KREMEN1: variants seen among roughly 807,000 people sequenced by gnomAD.
KREMEN1 encodes the protein kringle containing transmembrane protein 1.
In KREMEN1, 30 loss-of-function variants were observed where a neutral mutation model predicts 46.5. That is an observed-to-expected ratio of 0.65 (90% CI 0.48 to 0.88). The LOEUF (loss-of-function observed/expected upper bound fraction) is 0.88. KREMEN1 is among the 40% of genes least tolerant of loss of function. The pLI is 0.00. For missense variants in KREMEN1, 533 were observed against 596.9 expected, an observed-to-expected ratio of 0.89 and a Z score of 1.11; for synonymous variants, 214 against 230.6, an observed-to-expected ratio of 0.93 and a Z score of 0.65.
In KREMEN1 at chr22:29,138,720, G is replaced by A. The variant is rs563499749; in HGVS notation, c.1061G>A (p.Arg354Gln). 23 of 1,614,044 alleles carry A rather than the reference G, an allele frequency of 1.4e-5. No individual in the cohort carries two copies. Among genetic ancestry groups the A allele is most frequent in the Middle Eastern group, 1.6e-4 (1 of 6,084 alleles). Residue 354 changes from arginine to glutamine, a missense_variant, in exon 7 of 9, where the codon CGG becomes CAG. Arg to Gln is a conservative substitution (Grantham distance 43, BLOSUM62 1). Transcript: ENST00000400335. ...GCCAACCTCAGTGTCAGCGCTGCCC[G>A]GTCCTCCAAAGTCCTCTATGTCATC... is the stretch of plus-strand genomic sequence containing the variant. ...EQANLSVSAA[R>Q]SSKVLYVITT... is the part of the protein sequence containing the mutation.
At chr22:29,082,830 G>A (rs1013122524) in intron 1 of KREMEN1, among the ~76,000 whole-genome samples, 1 of 152,132 alleles carries the variant, frequency 6.6e-6, no homozygotes, top group Non-Finnish European at 1.5e-5. Context: ...CAAATAGTTC[G>A]CCTTTTGTTT....
chr22:29,137,690 C>T lies in KREMEN1; in HGVS notation c.964+16C>T, dbSNP rs757298140. The T allele has an allele frequency of 6.4e-6, 10 of 1,569,116 alleles. No homozygotes were observed. The East Asian group carries it at 6.8e-5, about 11-fold the overall frequency. The stretch of plus-strand genomic sequence containing the variant: ...TTATACCAAGGTAAGACATCTTTGC[C>T]TCCTTGGGGGTTCTTCAGGGCCCAC... On this transcript the variant is annotated intron_variant, in intron 6 of 8. Transcript: ENST00000400335.
rs1316317079 is a variant in KREMEN1 at position 29,073,257 on chromosome 22, C to G, written c.97+30C>G. 1 of 1,039,932 alleles carries G rather than the reference C, an allele frequency of 9.6e-7. No homozygotes were observed. Among genetic ancestry groups the G allele is most frequent in the East Asian group, 3.8e-5 (1 of 26,248 alleles). 64.4% of individuals were successfully genotyped at this position (1,039,932 alleles called of 1,614,324 possible). ...GTGTGAGCGACCCCCCGCCGCCCGC[C>G]CTGAGCGGAGCCCACTCGAGGGGCG... On this transcript the variant is annotated intron_variant, in intron 1 of 8. Coordinates refer to ENST00000400335, the MANE Select transcript of KREMEN1 (RefSeq NM_001039570.3). This position sits in a 1 kb window ranked among gnomAD's most constrained non-coding sequence, Gnocchi z 4.4.
downstream of KREMEN1, among the ~76,000 whole-genome samples, chr22:29,150,225 G>T (rs868838247): frequency 5.9e-5 from 9 of 152,328 alleles, no homozygotes; most frequent in East Asian, 5.8e-4. Flanking sequence ...AACTGGTGGG[G>T]GGGGGGGCAG....
chr22:29,107,762 T>C (rs773397290), intron 3 of KREMEN1, among the ~76,000 whole-genome samples: 36 of 152,192 alleles, frequency 2.4e-4, no homozygotes, highest in Non-Finnish European at 4.7e-4. Flanking sequence ...CATGTGCCTA[T>C]GGTCCCAGCT....
intron 3 of KREMEN1, among the ~76,000 whole-genome samples, chr22:29,115,728 G>A (rs542282139): frequency 6.6e-6 from 1 of 152,346 alleles, no homozygotes; most frequent in Non-Finnish European, 1.5e-5. Context: ...GGGGGATAGG[G>A]TGGGGAGGAT....
At position 29,142,236 on chromosome 22, in the gene KREMEN1, G is replaced by T; in HGVS notation, c.*124G>T. 9 of 1,383,766 alleles carry T rather than the reference G, an allele frequency of 6.5e-6. No homozygotes were observed. The highest frequency in any genetic ancestry group is 8.4e-6 in the Non-Finnish European group (9 of 1,072,344). The allele number at this position is 1,383,766 out of a possible 1,614,324, so 85.7% of individuals were successfully genotyped here. ...TCTCCCTCTGCCTCGGCCTCTTCGG[G>T]GAAACCCTCCTCCTACAGACTAGGA... On this transcript the variant is annotated 3_prime_UTR_variant, in exon 9 of 9. Coordinates refer to ENST00000400335, the MANE Select transcript of KREMEN1 (RefSeq NM_001039570.3).
At position 29,145,799 on chromosome 22, in the gene KREMEN1, A is replaced by G; in HGVS notation, c.*3687A>G. On this transcript the variant is annotated 3_prime_UTR_variant, in exon 9 of 9. Transcript: ENST00000400335. ...ACTTCTGAAGAGTGGGCTCTGGCTC[A>G]AGACTCCAATCGGCCAGAAGCCCAC... 1.0e-6 allele frequency: 1 copy of G among 985,532 alleles called. No individual in the cohort carries two copies. Among genetic ancestry groups the G allele is most frequent in the Non-Finnish European group, 1.2e-6 (1 of 829,984 alleles). The allele number at this position is 985,532 out of a possible 1,614,324, so 61.0% of individuals were successfully genotyped here.
At chr22:29,091,795 C>A (rs2037810627) in intron 1 of KREMEN1, among the ~76,000 whole-genome samples, 1 of 152,078 alleles carries the variant, frequency 6.6e-6, no homozygotes, top group African/African-American at 2.4e-5. Context: ...TGTTGTGAAG[C>A]AAACAAAGGG....
chr22:29,119,074 A>G (rs998344846), intron 3 of KREMEN1, among the ~76,000 whole-genome samples: 4 of 152,180 alleles, frequency 2.6e-5, no homozygotes, highest in African/African-American at 9.7e-5. Flanking sequence ...GTGGCTAAGC[A>G]TGGTGGCTCA....
intron 3 of KREMEN1, among the ~76,000 whole-genome samples, chr22:29,120,391 C>T (rs2038324849): frequency 1.2e-5 from 1 of 84,320 alleles, no homozygotes; most frequent in Non-Finnish European, 2.5e-5. Flanking sequence ...ATAATGGAAA[C>T]AGGGAGGAGG....
chr22:29,122,756 G>A (rs112012451), intron 4 of KREMEN1, among the ~76,000 whole-genome samples: 2,109 of 151,986 alleles, frequency 0.014, 32 homozygotes, highest in South Asian at 0.026. Flanking sequence ...TGACCAACAT[G>A]GTGAAACCCC....
intron 9 of KREMEN1, chr22:29,166,963 C>A: frequency 8.8e-7 from 1 of 1,133,254 alleles, no homozygotes; most frequent in South Asian, 1.3e-5. Context: ...CAAAATCAGT[C>A]AAATGCTTCT....
intron 3 of KREMEN1, among the ~76,000 whole-genome samples, chr22:29,103,825 G>A (rs1320330306): frequency 1.3e-5 from 2 of 152,138 alleles, no homozygotes; most frequent in African/African-American, 4.8e-5. Flanking sequence ...TAATGGCGTG[G>A]TGGTGAAGTC....
intron 3 of KREMEN1, among the ~76,000 whole-genome samples, chr22:29,118,700 G>A (rs4823012): frequency 0.36 from 55,053 of 151,674 alleles, 11,479 homozygotes; most frequent in East Asian, 0.66. Context: ...CTCACCTCCA[G>A]ATACCTTCAT....
At chr22:29,116,628 G>A (rs553623818) in intron 3 of KREMEN1, among the ~76,000 whole-genome samples, 3 of 152,236 alleles carry the variant, frequency 2.0e-5, no homozygotes, top group Admixed American at 6.5e-5. Flanking sequence ...ATATGCCTTA[G>A]GCTTTCTGTA....
chr22:29,138,496 C>T, intron 6 of KREMEN1, 128 bp from the exon 7 acceptor site: 2 of 932,352 alleles, frequency 2.1e-6, no homozygotes, highest in Non-Finnish European at 3.4e-6. Context: ...TGGGACCCAC[C>T]TATGGAAGGA....
chr22:29,080,777 A>C (rs1285432565), intron 1 of KREMEN1, among the ~76,000 whole-genome samples: 1 of 152,134 alleles, frequency 6.6e-6, no homozygotes, highest in African/African-American at 2.4e-5. Flanking sequence ...TGGCTGTCAC[A>C]ACTAAAGAGG....
intron 9 of KREMEN1, among the ~76,000 whole-genome samples, chr22:29,162,838 C>T (rs977692166): frequency 6.6e-6 from 1 of 152,150 alleles, no homozygotes; most frequent in Admixed American, 6.5e-5. Context: ...TTCACAATAG[C>T]AAAGACAAGG....
Sources: gnomAD v4.1 joint callset for allele counts (sites outside exome capture counted in the v4.1 genomes callset) on GRCh38, gnomAD v4.1.1 for gene constraint, Gnocchi (gnomAD v3.1) non-coding constraint, MANE v1.5 for transcripts, NCBI Gene and HGNC (gene_info 2026-07-23, HGNC 2026-07-21) for gene names.